EIF2S3: variants seen among roughly 807,000 people sequenced by gnomAD.
EIF2S3 encodes the protein eukaryotic translation initiation factor 2 subunit 3.
Under a neutral mutation model 31.7 loss-of-function variants are expected in EIF2S3, and 2 were observed. The observed-to-expected ratio is 0.06, with a 90% confidence interval of 0.03 to 0.20. The LOEUF (loss-of-function observed/expected upper bound fraction) is 0.20, where lower values mean the gene tolerates loss of function less well. Among genes scored for constraint, EIF2S3 ranks in the 10% least tolerant of loss-of-function variants. The probability of loss-of-function intolerance (pLI) is 1.00; values close to 1 mark genes in which losing one functional copy is unlikely to be tolerated. For missense variants in EIF2S3, 96 were observed against 359.3 expected (o/e 0.27, Z 5.92); for synonymous variants, 120 against 126.7 (o/e 0.95, Z 0.36).
At chrX:24,069,166 G>A (rs1414126286) in intron 9 of EIF2S3, among the ~76,000 whole-genome samples, 1 of 111,111 alleles carries the variant, frequency 9.0e-6, no homozygotes, top group Non-Finnish European at 1.9e-5. Context: ...TGGATCGCTT[G>A]AGCTCAGGAG....
rs765560798 is a variant in EIF2S3, at chrX:24,056,065, A to T, written c.133+387A>T. Reference sequence around the variant, plus strand: ...GATTAAATAGAAGGTTTTTTTTCTTAATTGGCACCTAGAACTTTAGAGGAG... The same window carrying T: ...GATTAAATAGAAGGTTTTTTTTCTTTATTGGCACCTAGAACTTTAGAGGAG... On this transcript the variant is annotated intron_variant, in intron 2 of 11. Transcript: ENST00000253039. Among the ~76,000 whole-genome samples, 4 of 111,865 alleles carry T rather than the reference A, an allele frequency of 3.6e-5. No individual in the cohort carries two copies. In the South Asian group the frequency reaches 1.5e-3, roughly 41 times the overall value.
At chrX:24,065,179 C>A (rs986210436) in intron 7 of EIF2S3, among the ~76,000 whole-genome samples, 1 of 111,710 alleles carries the variant, frequency 9.0e-6, no homozygotes, top group Non-Finnish European at 1.9e-5. Context: ...ATTGTTCTTA[C>A]AGGAGTTACA....
At chrX:24,064,879 C>T (rs753215571) in intron 7 of EIF2S3, among the ~76,000 whole-genome samples, 56 of 112,137 alleles carry the variant, frequency 5.0e-4, no homozygotes, top group African/African-American at 1.6e-3. Context: ...ATATATGGTA[C>T]ATGATCAAGA....
chrX:24,057,761 T>A lies in EIF2S3; in HGVS notation c.383+7T>A, dbSNP rs1930426271. ...GGAACTTCAAATTAGTCAGGTGACC[T>A]CTCTTTTGCTACAAACACTACACTT... is the stretch of plus-strand genomic sequence containing the variant. On this transcript the variant is annotated splice_region_variant and intron_variant, in intron 4 of 11. Coordinates refer to ENST00000253039, the MANE Select transcript of EIF2S3 (RefSeq NM_001415.4). 6 of 1,198,706 alleles carry A rather than the reference T, an allele frequency of 5.0e-6. No homozygotes were observed. Among genetic ancestry groups the A allele is most frequent in the Middle Eastern group, 2.3e-4 (1 of 4,262 alleles).
In EIF2S3 at chrX:24,078,387, C is replaced by T. The variant is rs1468528733; in HGVS notation, c.*1602C>T. ...GTTGAGCAGTGATTTGCAACTCTTG[C>T]TGACGTTGCTGGGGAAGCTTTAAAA... On this transcript the variant is annotated 3_prime_UTR_variant, in exon 12 of 12. Coordinates refer to ENST00000253039, the MANE Select transcript of EIF2S3 (RefSeq NM_001415.4). Among the ~76,000 whole-genome samples the T allele has an allele frequency of 9.1e-6, 1 of 109,595 alleles. No homozygotes were observed. The highest frequency in any genetic ancestry group is 1.9e-5 in the Non-Finnish European group (1 of 52,721).
intron 11 of EIF2S3, among the ~76,000 whole-genome samples, chrX:24,075,694 A>G (rs1304140624): frequency 1.8e-5 from 2 of 110,927 alleles, no homozygotes; most frequent in Non-Finnish European, 3.8e-5. Flanking sequence ...AACTGTCCCC[A>G]TAATTATTCA....
intron 8 of EIF2S3, among the ~76,000 whole-genome samples, chrX:24,067,406 T>C (rs1930593871): frequency 9.0e-6 from 1 of 110,525 alleles, no homozygotes; most frequent in Admixed American, 9.8e-5. Flanking sequence ...CTTGTAAGTA[T>C]GGAGCACATT....
intron 9 of EIF2S3, among the ~76,000 whole-genome samples, chrX:24,069,075 AAAATG>A (rs754574661): frequency 8.9e-6 from 1 of 111,735 alleles, no homozygotes; most frequent in Admixed American, 9.6e-5. Flanking sequence ...AGAAAACAAA[AAAATG>A]AAAAAGAGTT....
Position 24,055,638 on chromosome X carries a change from T to C in EIF2S3, c.93T>C (p.Leu31=), listed in dbSNP as rs769810966. ...TTLDVTKLTP[L]SHEVISRQAT... Reference sequence around the variant, plus strand: ...AGGATGTTACCAAGTTGACGCCACTTTCACACGAAGTTATCAGCAGACAAG... The same window carrying C: ...AGGATGTTACCAAGTTGACGCCACTCTCACACGAAGTTATCAGCAGACAAG... Residue 31 remains leucine, a synonymous_variant, in exon 2 of 12, where the codon CTT becomes CTC. Transcript: ENST00000253039. 5.0e-6 allele frequency: 6 copies of C among 1,211,635 alleles called. No homozygotes were observed. The highest frequency in any genetic ancestry group is 6.7e-6 in the Non-Finnish European group (6 of 895,175).
At chrX:24,055,125 G>A in intron 1 of EIF2S3, 88 bp downstream of exon 1, 1 of 1,046,292 alleles carries the variant, frequency 9.6e-7, no homozygotes, top group Non-Finnish European at 1.3e-6. Context: ...GTCAGTGTCG[G>A]GAGCATGGGT....
intron 11 of EIF2S3, among the ~76,000 whole-genome samples, chrX:24,076,381 A>G (rs1930753094): frequency 9.0e-6 from 1 of 110,717 alleles, no homozygotes; most frequent in South Asian, 3.9e-4. Flanking sequence ...AAAATACCAA[A>G]AAATCAGCCG....
chrX:24,058,412 C>CTCT (rs1341644777), intron 4 of EIF2S3, among the ~76,000 whole-genome samples: 2 of 111,403 alleles, frequency 1.8e-5, no homozygotes, highest in Admixed American at 1.9e-4. Flanking sequence ...AGGGCAGACT[C>CTCT]TATTACTAAA....
At chrX:24,075,091 C>T (rs1313677278) in intron 11 of EIF2S3, among the ~76,000 whole-genome samples, 1 of 109,694 alleles carries the variant, frequency 9.1e-6, no homozygotes, top group African/African-American at 3.3e-5. Context: ...TCTTTAACCC[C>T]CGACCTCAGG....
At chrX:24,062,771 T>A (rs749563264) in intron 6 of EIF2S3, 197 bp downstream of exon 6, 10 of 363,923 alleles carry the variant, frequency 2.7e-5, no homozygotes, top group Non-Finnish European at 4.5e-5. Context: ...TTTAATATAC[T>A]AAAGTATATT....
At position 24,069,376 on chromosome X, in the gene EIF2S3, CAA is replaced by C. The variant is rs1161413795; in HGVS notation, c.1012+1283_1012+1284del. ...TGGGTGACAGAGTGACACTCTGTCT[CAA>C]AAAAAAAAAAAAAACAAGAAGAAAA... On this transcript the variant is annotated intron_variant, in intron 9 of 11. Transcript: ENST00000253039. Among the ~76,000 whole-genome samples, 436 of 43,963 alleles carry C rather than the reference CAA, an allele frequency of 9.9e-3. 3 individuals carry two copies. Among genetic ancestry groups the C allele is most frequent in the African/African-American group, 0.031 (411 of 13,243 alleles). The allele number at this position is 43,963 out of a possible 115,157, so 38.2% of individuals were successfully genotyped here. A position where few individuals can be genotyped will look rare whatever the true frequency, so the allele number is the denominator to read the frequency against.
In EIF2S3 at chrX:24,078,690, T is replaced by C. The variant is rs1365035593; in HGVS notation, c.*1905T>C. Among the ~76,000 whole-genome samples the C allele has an allele frequency of 8.9e-6, 1 of 112,348 alleles. No homozygotes were observed. Among genetic ancestry groups the C allele is most frequent in the East Asian group, 2.8e-4 (1 of 3,590 alleles). On this transcript the variant is annotated 3_prime_UTR_variant, in exon 12 of 12. Coordinates refer to ENST00000253039, the MANE Select transcript of EIF2S3 (RefSeq NM_001415.4). ...TTGCATTGTAGAAGTTTAGAAGCTC[T>C]GGCTATGGGTTGCCTAAATTGATGT...
At chrX:24,060,872 C>T (rs971586153) in intron 5 of EIF2S3, among the ~76,000 whole-genome samples, 5 of 89,174 alleles carry the variant, frequency 5.6e-5, no homozygotes, top group African/African-American at 1.7e-4. Flanking sequence ...CTCTTGAACC[C>T]GGGAGGCAGA....
At chrX:24,072,239 T>C (rs1399504261) in intron 10 of EIF2S3, among the ~76,000 whole-genome samples, 1 of 111,108 alleles carries the variant, frequency 9.0e-6, no homozygotes, top group Non-Finnish European at 1.9e-5. Context: ...GGGAAAAGTA[T>C]TAGCCATTTA....
chrX:24,071,429 A>G (rs895678931), intron 9 of EIF2S3, 129 bp from the exon 10 acceptor site: 8 of 634,751 alleles, frequency 1.3e-5, no homozygotes, highest in Non-Finnish European at 1.6e-5. Flanking sequence ...GAGCTCAGGC[A>G]TCCACCTGCC....
Sources: allele counts gnomAD v4.1 joint callset (sites outside exome capture counted in the v4.1 genomes callset), GRCh38; gene constraint gnomAD v4.1.1; transcripts MANE v1.5; gene names NCBI Gene and HGNC (gene_info 2026-07-23, HGNC 2026-07-21).